WDR13: variants seen among roughly 807,000 people sequenced by gnomAD.
WDR13 encodes the protein WD repeat domain 13.
WDR13 carries 1 observed loss-of-function variant against 28.6 expected under a neutral mutation model. The observed-to-expected ratio is 0.03, with a 90% CI of 0.01 to 0.17. WDR13 has a LOEUF of 0.17. Ranked by LOEUF, WDR13 falls within the 10% of genes least tolerant of loss-of-function variation. The pLI is 1.00. For synonymous variants in WDR13, 201 were observed against 185.9 expected (o/e 1.08, Z -0.66); for missense variants, 264 against 469.3 (o/e 0.56, Z 4.04).
intron 8 of WDR13, among the ~76,000 whole-genome samples, 186 bp downstream of exon 8, chrX:48,602,392 C>T (rs914327042): frequency 4.5e-5 from 5 of 111,517 alleles, no homozygotes; most frequent in African/African-American, 1.6e-4. Flanking sequence ...GCAGTTTCCA[C>T]GTATCACCAC....
Position 48,604,864 on chromosome X carries a change from C to T in WDR13, c.1290C>T (p.Asp430=). Residue 430 remains aspartate, a synonymous_variant, in exon 10 of 10, where the codon GAC becomes GAT. Coordinates refer to ENST00000376729, the MANE Select transcript of WDR13 (RefSeq NM_001347217.2). The part of the protein sequence containing the change: ...QGACVVTGSE[D]MCVHFFDVER... Reference sequence around the variant, plus strand: ...CCCCGACAGTGACGGGCAGTGAGGACATGTGCGTGCACTTCTTTGATGTGG... The same window carrying T: ...CCCCGACAGTGACGGGCAGTGAGGATATGTGCGTGCACTTCTTTGATGTGG... The T allele has an allele frequency of 8.3e-7, 1 of 1,209,202 alleles. No homozygotes were observed. Among genetic ancestry groups the T allele is most frequent in the Non-Finnish European group, 1.1e-6 (1 of 893,310 alleles).
At chrX:48,598,540 T>G in intron 2 of WDR13, 177 bp from the exon 3 acceptor site, 1 of 1,073,243 alleles carries the variant, frequency 9.3e-7, no homozygotes, top group Non-Finnish European at 1.2e-6. Context: ...TCATTATTAC[T>G]GCAGACTCAC....
In WDR13 at chrX:48,607,473, T is replaced by C. The variant is rs2062228717; in HGVS notation, c.*2441T>C. ...GCCTCCACCTCCTGGGTTCAAGCGA[T>C]CCTCGGGCCTCAGCTTCCCGAATAG... is the stretch of plus-strand genomic sequence containing the variant. On this transcript the variant is annotated 3_prime_UTR_variant, in exon 10 of 10. Coordinates refer to ENST00000376729, the MANE Select transcript of WDR13 (RefSeq NM_001347217.2). The C allele has an allele frequency of 1.0e-5, 1 of 98,208 alleles. No individual in the cohort carries two copies. Among genetic ancestry groups the C allele is most frequent in the Non-Finnish European group, 2.0e-5 (1 of 49,586 alleles). 8.1% of individuals were successfully genotyped at this position (98,208 alleles called of 1,213,427 possible).
At chrX:48,602,042 C>A (rs782234111) in intron 7 of WDR13, 23 bp from the exon 8 acceptor site, 1 of 1,208,392 alleles carries the variant, frequency 8.3e-7, no homozygotes, top group Non-Finnish European at 1.1e-6. Context: ...TCACCTTTGC[C>A]TTCCCTCCCT....
chrX:48,600,716 A>T (rs1266264235), intron 6 of WDR13, 90 bp downstream of exon 6: 2 of 1,055,681 alleles, frequency 1.9e-6, no homozygotes, highest in African/African-American at 1.9e-5. Flanking sequence ...AGGGACAGCC[A>T]GGGGGGGCCT....
chrX:48,604,474 A>G, intron 9 of WDR13, 84 bp downstream of exon 9: 1 of 837,946 alleles, frequency 1.2e-6, no homozygotes. Flanking sequence ...AGACATCACG[A>G]CACCGATGCC....
rs151013406 is a variant in WDR13 at position 48,601,793 on chromosome X, G to A, written c.841G>A (p.Ala281Thr). ...TGCATTCTCCCCACAGGTGGGGAAC[G>A]CCAAGCACAACGTGCATGTCATGAA... is the stretch of plus-strand genomic sequence containing the variant. ...VNNNLTVVGN[A>T]KHNVHVMNIS... Residue 281 changes from alanine to threonine, a missense_variant, in exon 7 of 10, where the codon GCC (alanine) becomes ACC (threonine). Transcript: ENST00000376729. 9.6e-5 allele frequency: 112 copies of A among 1,168,241 alleles called. No homozygotes were observed. Among genetic ancestry groups the A allele is most frequent in the South Asian group, 1.2e-4 (6 of 50,866 alleles).
rs984371920 is a variant in WDR13, at chrX:48,607,555, A to G, written c.*2523A>G. 1.0e-4 allele frequency: 11 copies of G among 108,539 alleles called. No individual in the cohort carries two copies. Among genetic ancestry groups the G allele is most frequent in the African/African-American group, 3.7e-4 (11 of 29,747 alleles). 8.9% of individuals were successfully genotyped at this position (108,539 alleles called of 1,213,427 possible). A position where few individuals can be genotyped will look rare whatever the true frequency, so the allele number is the denominator to read the frequency against. The stretch of plus-strand genomic sequence containing the variant: ...GCTAATTTTTGTATTTTTAGTAGGG[A>G]TGGGGTTTCACCATGTTGGCCAGGC... On this transcript the variant is annotated 3_prime_UTR_variant, in exon 10 of 10. Coordinates refer to ENST00000376729, the MANE Select transcript of WDR13 (RefSeq NM_001347217.2).
chrX:48,600,703 A>G (rs1264444315), intron 6 of WDR13, 77 bp downstream of exon 6: 1 of 1,104,544 alleles, frequency 9.1e-7, no homozygotes, highest in Non-Finnish European at 1.2e-6. Flanking sequence ...TCAGAGTATA[A>G]GGAGGGACAG....
rs781794228 is a variant in WDR13, at chrX:48,600,608, C to T, written c.813C>T (p.Val271=). ...TGCTCTGCTGCACCTTCCAGCCTGT[C>T]AACAACAACCTCACTGTGGTCAGGC... The part of the protein sequence containing the change: ...AELLCCTFQP[V]NNNLTVVGNA... The change falls in exon 6 of 10, where the codon GTC becomes GTT. Residue 271 remains valine, a synonymous_variant. Coordinates refer to ENST00000376729, the MANE Select transcript of WDR13 (RefSeq NM_001347217.2). The T allele has an allele frequency of 2.5e-6, 3 of 1,208,150 alleles. No homozygotes were observed. Among genetic ancestry groups the T allele is most frequent in the Middle Eastern group, 2.3e-4 (1 of 4,374 alleles).
At chrX:48,601,434 C>T (rs1419347774) in intron 6 of WDR13, among the ~76,000 whole-genome samples, 10 of 112,373 alleles carry the variant, frequency 8.9e-5, no homozygotes, top group African/African-American at 3.2e-4. Context: ...GCATTAGCAG[C>T]AGCCCCACAA....
rs781845904 is a variant in WDR13, at chrX:48,600,436, G to A, written c.641G>A (p.Arg214Gln). The A allele has an allele frequency of 1.6e-6, 2 of 1,212,227 alleles. No homozygotes were observed. Among genetic ancestry groups the A allele is most frequent in the Non-Finnish European group, 2.2e-6 (2 of 895,657 alleles). Residue 214 changes from arginine (R) to glutamine (Q), a missense_variant, in exon 6 of 10, where the codon CGG (arginine) becomes CAG (glutamine). Coordinates refer to ENST00000376729, the MANE Select transcript of WDR13 (RefSeq NM_001347217.2). ...CCACCCACAGTGCTTCGCGTGCTACGGGGCCACACCCGTGGTGTCTCCGAC... is the reference window on the plus strand; with the variant it reads ...CCACCCACAGTGCTTCGCGTGCTACAGGGCCACACCCGTGGTGTCTCCGAC... ...PAPPTVLRVL[R>Q]GHTRGVSDFA...
Position 48,604,376 on chromosome X carries a change from A to T in WDR13, c.1259A>T (p.Gln420Leu). Residue 420 changes from glutamine (Q) to leucine (L), a missense_variant, in exon 9 of 10, where the codon CAG becomes CTG. Physicochemically the swap from Gln to Leu is moderately radical, Grantham distance 113. Transcript: ENST00000376729. Reference protein sequence around the residue: ...SIFCPLMSFRQGACVVTGSED... With the variant: ...SIFCPLMSFRLGACVVTGSED... ...TTCTGTCCCCTCATGTCCTTCCGCCAGGGGGCCTGCGTGGGTGAGTCCTGT... is the reference window on the plus strand; with the variant it reads ...TTCTGTCCCCTCATGTCCTTCCGCCTGGGGGCCTGCGTGGGTGAGTCCTGT... The T allele has an allele frequency of 8.3e-7, 1 of 1,210,119 alleles. No homozygotes were observed. Among genetic ancestry groups the T allele is most frequent in the Non-Finnish European group, 1.1e-6 (1 of 894,598 alleles).
At chrX:48,601,654 C>CTG in intron 6 of WDR13, 130 bp from the exon 7 acceptor site, 1 of 654,116 alleles carries the variant, frequency 1.5e-6, no homozygotes, top group South Asian at 5.3e-5. Flanking sequence ...CCTTGTCTAC[C>CTG]TGCCACAGCC....
intron 6 of WDR13, among the ~76,000 whole-genome samples, chrX:48,601,411 C>T (rs139479543): frequency 6.3e-4 from 71 of 112,099 alleles, no homozygotes; most frequent in African/African-American, 2.1e-3. Context: ...GCTTGTGGGC[C>T]GGGATCCTCC....
intron 2 of WDR13, 149 bp from the exon 3 acceptor site, chrX:48,598,568 G>A (rs1308420695): frequency 6.5e-6 from 7 of 1,078,978 alleles, no homozygotes; most frequent in African/African-American, 1.9e-5. Context: ...ACAGGACCAA[G>A]AGGTCCCTCA....
At position 48,606,951 on chromosome X, in the gene WDR13, T is replaced by C. The variant is rs1197321546; in HGVS notation, c.*1919T>C. ...ACCCCAAGCATTTCTAACTGGCACT[T>C]CCATCTAATAGACCTCAGGGTACAT... On this transcript the variant is annotated 3_prime_UTR_variant, in exon 10 of 10. Coordinates refer to ENST00000376729, the MANE Select transcript of WDR13 (RefSeq NM_001347217.2). 2 of 111,421 alleles carry C rather than the reference T, an allele frequency of 1.8e-5. No homozygotes were observed. Among genetic ancestry groups the C allele is most frequent in the African/African-American group, 6.5e-5 (2 of 30,566 alleles). 9.2% of individuals were successfully genotyped at this position (111,421 alleles called of 1,213,427 possible). A position where few individuals can be genotyped will look rare whatever the true frequency, so the allele number is the denominator to read the frequency against.
At chrX:48,597,901 G>T in intron 1 of WDR13, 57 bp from the exon 2 acceptor site, 1 of 1,115,124 alleles carries the variant, frequency 9.0e-7, no homozygotes, top group South Asian at 2.1e-5. Context: ...CTGGTGGAAG[G>T]GACGGAACTA....
chrX:48,598,052 C>G lies in WDR13; in HGVS notation c.41+15C>G, dbSNP rs1556993163. On this transcript the variant is annotated intron_variant, in intron 2 of 9. Transcript: ENST00000376729. ...GTGGACGCGAGGTGAGGCGTGGGGT[C>G]AAAGCCCATGGGAGCAGAACTTACT... 4 of 1,163,429 alleles carry G rather than the reference C, an allele frequency of 3.4e-6. No individual in the cohort carries two copies. Among genetic ancestry groups the G allele is most frequent in the Non-Finnish European group, 4.6e-6 (4 of 871,365 alleles).
Sources: allele counts gnomAD v4.1 joint callset (sites outside exome capture counted in the v4.1 genomes callset), GRCh38; gene constraint gnomAD v4.1.1; transcripts MANE v1.5; gene names NCBI Gene and HGNC (gene_info 2026-07-23, HGNC 2026-07-21).